The following DTNA variants were observed in gnomAD, a reference collection of about 807,000 sequenced individuals.
The protein encoded by DTNA is dystrobrevin alpha.
DTNA carries 43 observed loss-of-function variants against 100.7 expected under a neutral mutation model. The ratio of observed to expected loss-of-function variants is 0.43; its 90% confidence interval spans 0.33 to 0.55. The LOEUF is 0.55. Ranked by LOEUF, DTNA falls within the 20% of genes least tolerant of loss-of-function variation. DTNA has a pLI of 0.04. For synonymous variants in DTNA, 349 were observed against 347.9 expected, an observed-to-expected ratio of 1.00 and a Z score of -0.04; for missense variants, 798 against 953.9, an observed-to-expected ratio of 0.84 and a Z score of 2.15.
intron 1 of DTNA, among the ~76,000 whole-genome samples, chr18:34,714,173 C>T (rs1293246311): frequency 6.6e-6 from 1 of 151,944 alleles, no homozygotes; most frequent in Non-Finnish European, 1.5e-5. Context: ...TAGGCATGGG[C>T]AAGGACTTCA....
intron 1 of DTNA, among the ~76,000 whole-genome samples, chr18:34,742,876 G>A (rs543172467): frequency 1.2e-4 from 19 of 152,028 alleles, no homozygotes; most frequent in South Asian, 4.2e-4. Context: ...GAATCTCAGG[G>A]TCTCTTCCGG....
chr18:34,773,434 G>C (rs2093885463), intron 3 of DTNA, among the ~76,000 whole-genome samples: 1 of 152,198 alleles, frequency 6.6e-6, no homozygotes, highest in Admixed American at 6.5e-5. Flanking sequence ...AGGGATCAGA[G>C]GATTCTCCCT....
At position 34,802,264 on chromosome 18, in the gene DTNA, C is replaced by A. The variant is rs529730663; in HGVS notation, c.363-3955C>A. Among the ~76,000 whole-genome samples the A allele has an allele frequency of 5.3e-5, 8 of 152,348 alleles. No individual in the cohort carries two copies. The East Asian group carries it at 1.5e-3, about 29-fold the overall frequency. On this transcript the variant is annotated intron_variant, in intron 4 of 22. Coordinates refer to ENST00000444659, the MANE Select transcript of DTNA (RefSeq NM_001386795.1). The stretch of plus-strand genomic sequence containing the variant: ...TTCCTGGGTTGCAGCTGACAGCCAG[C>A]ATTCCATCGGTGCAGTTTTACTACC...
At chr18:34,871,189 A>G (rs759203154) in intron 17 of DTNA, among the ~76,000 whole-genome samples, 10 of 152,166 alleles carry the variant, frequency 6.6e-5, no homozygotes, top group Non-Finnish European at 1.2e-4. Context: ...TGATTCAACA[A>G]TTAGACATTT....
chr18:34,631,617 A>G (rs1369226371), intron 1 of DTNA, among the ~76,000 whole-genome samples: 1 of 152,252 alleles, frequency 6.6e-6, no homozygotes, highest in African/African-American at 2.4e-5. Flanking sequence ...AGTCATGAAA[A>G]TAATCCATAA....
At chr18:34,835,053 A>G (rs890030503) in intron 11 of DTNA, among the ~76,000 whole-genome samples, 1 of 152,166 alleles carries the variant, frequency 6.6e-6, no homozygotes, top group Non-Finnish European at 1.5e-5. Context: ...GATTCATTTC[A>G]TTTTGAAAGA....
chr18:34,681,723 CACACACA>C (rs1197050874), intron 1 of DTNA, among the ~76,000 whole-genome samples: 216 of 150,768 alleles, frequency 1.4e-3, no homozygotes, highest in African/African-American at 5.2e-3. Flanking sequence ...CACACACACA[CACACACA>C]CCCCACACAC....
At chr18:34,565,364 T>A (rs1381339005) in intron 1 of DTNA, among the ~76,000 whole-genome samples, 2 of 152,192 alleles carry the variant, frequency 1.3e-5, no homozygotes, top group Admixed American at 6.5e-5. Context: ...CAGTTAAGAA[T>A]CTGCTTAAGG....
At chr18:34,836,879 AG>A in intron 11 of DTNA, among the ~76,000 whole-genome samples, 1 of 152,270 alleles carries the variant, frequency 6.6e-6, no homozygotes, top group Middle Eastern at 3.4e-3. Context: ...ACTATTATAA[AG>A]CAAGAATTCC....
At chr18:34,783,225 A>G (rs2094398877) in intron 3 of DTNA, among the ~76,000 whole-genome samples, 1 of 152,198 alleles carries the variant, frequency 6.6e-6, no homozygotes, top group African/African-American at 2.4e-5. Flanking sequence ...GATTTAATTT[A>G]TAGTGTGACA....
intron 11 of DTNA, among the ~76,000 whole-genome samples, chr18:34,832,640 G>T (rs1198732039): frequency 6.6e-6 from 1 of 152,048 alleles, no homozygotes; most frequent in African/African-American, 2.4e-5. Context: ...GTTTGAGATG[G>T]TTGAACTTCT....
At chr18:34,518,518 A>G (rs2041866124) in intron 1 of DTNA, among the ~76,000 whole-genome samples, 1 of 151,884 alleles carries the variant, frequency 6.6e-6, no homozygotes, top group African/African-American at 2.4e-5. Flanking sequence ...TCTATCCTGA[A>G]GATTTTCTTT....
intron 1 of DTNA, among the ~76,000 whole-genome samples, chr18:34,569,483 G>GA (rs1308849354): frequency 2.0e-5 from 3 of 150,400 alleles, no homozygotes; most frequent in African/African-American, 2.4e-5. Flanking sequence ...GTGATAGTGA[G>GA]AAAAAAAAAG....
At chr18:34,604,635 A>G (rs913919709) in intron 1 of DTNA, among the ~76,000 whole-genome samples, 3 of 152,194 alleles carry the variant, frequency 2.0e-5, no homozygotes, top group African/African-American at 7.2e-5. Context: ...AACATTTGGA[A>G]TGCTGAAAAA....
intron 17 of DTNA, among the ~76,000 whole-genome samples, chr18:34,871,852 C>T (rs961591658): frequency 6.6e-6 from 1 of 152,276 alleles, no homozygotes; most frequent in Middle Eastern, 3.4e-3. Context: ...AGTGTCCTAC[C>T]CCCAAAAGTC....
intron 3 of DTNA, among the ~76,000 whole-genome samples, chr18:34,766,485 C>CACCTGG (rs2093474904): frequency 2.0e-5 from 3 of 151,288 alleles, no homozygotes; most frequent in African/African-American, 7.3e-5. Flanking sequence ...ACAATGAGAA[C>CACCTGG]ACACAGGAAG....
intron 1 of DTNA, among the ~76,000 whole-genome samples, chr18:34,582,246 C>T (rs1367947692): frequency 6.6e-6 from 1 of 152,032 alleles, no homozygotes; most frequent in African/African-American, 2.4e-5. Flanking sequence ...ACTGCTACCC[C>T]CTACATCACA....
intron 1 of DTNA, among the ~76,000 whole-genome samples, chr18:34,638,525 A>G (rs1282263907): frequency 6.6e-6 from 1 of 152,210 alleles, no homozygotes; most frequent in African/African-American, 2.4e-5. Flanking sequence ...CTGCCTAGGC[A>G]TCATTCTTTA....
chr18:34,689,983 A>C lies in DTNA; in HGVS notation c.-1-65993A>C, dbSNP rs76152709. Among the ~76,000 whole-genome samples the C allele has an allele frequency of 4.1e-3, 619 of 152,278 alleles. 21 individuals carry two copies. The East Asian group carries it at 0.078, about 19-fold the overall frequency. Reference sequence around the variant, plus strand: ...CCTACTCAAGCCTCAGTAATGGTGGAAGCCCCTCCCTCCACCAAACTTGAG... The same window carrying C: ...CCTACTCAAGCCTCAGTAATGGTGGCAGCCCCTCCCTCCACCAAACTTGAG... On this transcript the variant is annotated intron_variant, in intron 1 of 19. Transcript: ENST00000283365.
Sources: allele counts gnomAD v4.1 joint callset (sites outside exome capture counted in the v4.1 genomes callset), GRCh38; gene constraint gnomAD v4.1.1; transcripts MANE v1.5; gene names NCBI Gene and HGNC (gene_info 2026-07-23, HGNC 2026-07-21).